The following ERAP2 variants were observed in gnomAD, a reference collection of about 807,000 sequenced individuals.
ERAP2 encodes the protein endoplasmic reticulum aminopeptidase 2.
ERAP2 carries 118 observed loss-of-function variants against 111.1 expected under a neutral mutation model. The observed-to-expected ratio is 1.06, with a 90% CI of 0.92 to 1.24. The LOEUF is 1.24. Ranked by LOEUF, ERAP2 falls within the 50% of genes most tolerant of loss-of-function variation. The probability of loss-of-function intolerance (pLI) is 0.00; values close to 1 mark genes in which losing one functional copy is unlikely to be tolerated. For synonymous variants in ERAP2, 410 were observed against 401.2 expected, an observed-to-expected ratio of 1.02 and a Z score of -0.26; for missense variants, 1,131 against 1,125.8, an observed-to-expected ratio of 1.00 and a Z score of -0.07.
chr5:96,891,768 T>A (rs1308843201), intron 5 of ERAP2, among the ~76,000 whole-genome samples: 1 of 152,110 alleles, frequency 6.6e-6, no homozygotes, highest in Non-Finnish European at 1.5e-5. Context: ...CATGTGCTCA[T>A]AATAGAGGCT....
intron 18 of ERAP2, among the ~76,000 whole-genome samples, chr5:96,917,030 G>C (rs886179445): frequency 3.3e-5 from 5 of 152,190 alleles, no homozygotes; most frequent in Non-Finnish European, 1.5e-5. Context: ...ACCTTTTAGA[G>C]GTTGGCAGAG....
At position 96,879,666 on chromosome 5, in the gene ERAP2, T is replaced by C. The variant is rs983197508; in HGVS notation, c.-20T>C. On this transcript the variant is annotated 5_prime_UTR_variant, in exon 2 of 19. Coordinates refer to ENST00000437043, the MANE Select transcript of ERAP2 (RefSeq NM_022350.5). Reference sequence around the variant, plus strand: ...CGAGATTAGCCTGGATATTAACTTGTCTTCTAGAGAATAGATTTCATGTTC... The same window carrying C: ...CGAGATTAGCCTGGATATTAACTTGCCTTCTAGAGAATAGATTTCATGTTC... The C allele has an allele frequency of 1.2e-6, 2 of 1,603,626 alleles. No individual in the cohort carries two copies. Among genetic ancestry groups the C allele is most frequent in the African/African-American group, 1.3e-5 (1 of 74,854 alleles).
In ERAP2 at chr5:96,909,597, T is replaced by C. The variant is rs1277246993; in HGVS notation, c.2187T>C (p.Tyr729=). The change falls in exon 15 of 19, where the codon TAT becomes TAC. Residue 729 remains tyrosine, a synonymous_variant. Coordinates refer to ENST00000437043, the MANE Select transcript of ERAP2 (RefSeq NM_022350.5). Reference sequence around the variant, plus strand: ...TTCTGCAGCGTTACCTTCTTCAGTATTTTAAGCCAGTGATTGACAGGCAAA... The same window carrying C: ...TTCTGCAGCGTTACCTTCTTCAGTACTTTAAGCCAGTGATTGACAGGCAAA... The part of the protein sequence containing the change: ...SENLKRYLLQ[Y]FKPVIDRQSW... 4.3e-6 allele frequency: 7 copies of C among 1,614,146 alleles called. No individual in the cohort carries two copies. Among genetic ancestry groups the C allele is most frequent in the Non-Finnish European group, 5.9e-6 (7 of 1,179,992 alleles).
chr5:96,905,595 T>C (rs948431350), intron 13 of ERAP2, among the ~76,000 whole-genome samples: 2 of 152,122 alleles, frequency 1.3e-5, no homozygotes, highest in Non-Finnish European at 2.9e-5. Flanking sequence ...ATTTAAGAAT[T>C]AAAGGAGGCC....
At position 96,891,565 on chromosome 5, in the gene ERAP2, T is replaced by C. The variant is rs1040999142; in HGVS notation, c.971-734T>C. Among the ~76,000 whole-genome samples, 46 of 142,062 alleles carry C rather than the reference T, an allele frequency of 3.2e-4. No individual in the cohort carries two copies. In the East Asian group the frequency reaches 3.8e-3, roughly 12 times the overall value. 93.2% of individuals were successfully genotyped at this position (142,062 alleles called of 152,430 possible). ...ACACACACACACACACACACACACATATATGGTACACACACACACACACAC... is the reference window on the plus strand; with the variant it reads ...ACACACACACACACACACACACACACATATGGTACACACACACACACACAC... On this transcript the variant is annotated intron_variant, in intron 5 of 18. Coordinates refer to ENST00000437043, the MANE Select transcript of ERAP2 (RefSeq NM_022350.5).
chr5:96,889,708 C>T (rs1044638619), intron 5 of ERAP2, among the ~76,000 whole-genome samples: 3 of 152,048 alleles, frequency 2.0e-5, no homozygotes, highest in African/African-American at 7.2e-5. Flanking sequence ...CTCCCTGTGG[C>T]GGACATCAAC....
At chr5:96,913,696 C>G (rs1453230712) in intron 17 of ERAP2, among the ~76,000 whole-genome samples, 3 of 152,260 alleles carry the variant, frequency 2.0e-5, no homozygotes, top group Non-Finnish European at 4.4e-5. Flanking sequence ...CAAGAAACCA[C>G]TGGCATCAAG....
intron 1 of ERAP2, among the ~76,000 whole-genome samples, chr5:96,878,930 A>G (rs1782850907): frequency 6.6e-6 from 1 of 152,150 alleles, no homozygotes; most frequent in African/African-American, 2.4e-5. Context: ...CGTCTCAAAA[A>G]CATAAATAAA....
chr5:96,894,454 T>C (rs1253415796), intron 6 of ERAP2, among the ~76,000 whole-genome samples: 6 of 152,188 alleles, frequency 3.9e-5, no homozygotes, highest in African/African-American at 1.4e-4. Context: ...CTTAGAATCT[T>C]ATTGTTGAAG....
At chr5:96,896,234 A>C (rs183759041) in intron 7 of ERAP2, 139 bp from the exon 8 acceptor site, 2 of 636,068 alleles carry the variant, frequency 3.1e-6, no homozygotes, top group Non-Finnish European at 5.2e-6. Context: ...AGGGGAATAC[A>C]TACAAGAAAA....
At chr5:96,899,348 AG>A (rs1487286775) in intron 9 of ERAP2, among the ~76,000 whole-genome samples, 64 of 152,308 alleles carry the variant, frequency 4.2e-4, no homozygotes, top group Non-Finnish European at 1.0e-4. Context: ...CTGACACCAA[AG>A]GGCCCTGTAG....
chr5:96,915,652 T>A (rs1469823557), intron 17 of ERAP2, 36 bp from the exon 18 acceptor site: 2 of 1,313,504 alleles, frequency 1.5e-6, no homozygotes, highest in Non-Finnish European at 2.1e-6. Context: ...GGTCAGTATT[T>A]CTATGACTTT....
intron 1 of ERAP2, among the ~76,000 whole-genome samples, chr5:96,878,432 T>C (rs73150315): frequency 0.031 from 4,698 of 152,136 alleles, 258 homozygotes; most frequent in African/African-American, 0.11. Context: ...ATCCAAAGAA[T>C]ATAGAATATA....
intron 3 of ERAP2, among the ~76,000 whole-genome samples, chr5:96,885,764 A>C (rs1196013643): frequency 6.6e-6 from 1 of 152,146 alleles, no homozygotes; most frequent in Non-Finnish European, 1.5e-5. Flanking sequence ...AGATTATTGG[A>C]TCTGTATCCA....
Position 96,912,696 on chromosome 5 carries a change from G to A in ERAP2, c.2414G>A (p.Trp805Ter). 4 of 1,609,862 alleles carry A rather than the reference G, an allele frequency of 2.5e-6. No individual in the cohort carries two copies. Among genetic ancestry groups the A allele is most frequent in the Non-Finnish European group, 3.4e-6 (4 of 1,178,546 alleles). ...GTGGGTGCTCAGACAACAGCAGGAT[G>A]GAATTACCTTTTAGAGCAATATGAA... ...YSVGAQTTAGWNYLLEQYELS... is the reference protein window; with the variant it reads ...YSVGAQTTAG Residue 805 changes from tryptophan (W) to a stop codon, truncating the protein, a stop_gained, in exon 16 of 19, where the codon TGG (tryptophan) becomes TAG (stop). Coordinates refer to ENST00000437043, the MANE Select transcript of ERAP2 (RefSeq NM_022350.5). LOFTEE classifies it high-confidence loss of function.
chr5:96,899,380 G>A (rs1253386560), intron 9 of ERAP2, among the ~76,000 whole-genome samples: 2 of 152,096 alleles, frequency 1.3e-5, no homozygotes, highest in African/African-American at 4.8e-5. Context: ...ATAAATTACT[G>A]AAAATATCTT....
chr5:96,878,768 A>C (rs571641823), intron 1 of ERAP2, among the ~76,000 whole-genome samples: 1 of 152,190 alleles, frequency 6.6e-6, no homozygotes, highest in South Asian at 2.1e-4. Flanking sequence ...TCTCTACTAA[A>C]AATACAAAAA....
At chr5:96,879,163 G>T (rs960696482) in intron 1 of ERAP2, among the ~76,000 whole-genome samples, 4 of 152,162 alleles carry the variant, frequency 2.6e-5, no homozygotes, top group African/African-American at 9.7e-5. Flanking sequence ...AGGCTGCAGT[G>T]AGCTGTGATC....
At chr5:96,883,643 C>A in intron 2 of ERAP2, 149 bp from the exon 3 acceptor site, 1 of 777,508 alleles carries the variant, frequency 1.3e-6, no homozygotes, top group Non-Finnish European at 2.0e-6. Context: ...TCATTTTCCT[C>A]AAAGAGACAG....
Sources: allele counts gnomAD v4.1 joint callset (sites outside exome capture counted in the v4.1 genomes callset), GRCh38; gene constraint gnomAD v4.1.1; transcripts MANE v1.5; gene names NCBI Gene and HGNC (gene_info 2026-07-23, HGNC 2026-07-21).